PTPRJ: variants seen among roughly 807,000 people sequenced by gnomAD.
PTPRJ encodes the protein protein tyrosine phosphatase receptor type J.
In PTPRJ, 129 loss-of-function variants were observed where a neutral mutation model predicts 141.3. The ratio of observed to expected loss-of-function variants is 0.91; its 90% confidence interval spans 0.79 to 1.06. The LOEUF (loss-of-function observed/expected upper bound fraction) is 1.06. Among genes scored for constraint, PTPRJ ranks in the 50% least tolerant of loss-of-function variants. PTPRJ has a pLI of 0.00. For missense variants in PTPRJ, 1,601 were observed against 1,679.7 expected (o/e 0.95, Z 0.82); for synonymous variants, 610 against 640.5 (o/e 0.95, Z 0.72).
chr11:48,119,899 T>G (rs1160620633), intron 3 of PTPRJ, among the ~76,000 whole-genome samples: 1 of 152,210 alleles, frequency 6.6e-6, no homozygotes, highest in African/African-American at 2.4e-5. Context: ...CTCCTCAGTC[T>G]TCAGCTCAAT....
Position 48,127,797 on chromosome 11 carries a change from G to C in PTPRJ, c.1111G>C (p.Asp371His). 6.2e-7 allele frequency: 1 copy of C among 1,614,100 alleles called. No homozygotes were observed. Among genetic ancestry groups the C allele is most frequent in the Non-Finnish European group, 8.5e-7 (1 of 1,179,980 alleles). The change falls in exon 7 of 25, where the codon GAC becomes CAC. Residue 371 changes from aspartate to histidine, a missense_variant. By Grantham distance (81) the Asp-to-His change is moderately conservative. Transcript: ENST00000418331. Reference sequence around the variant, plus strand: ...TCTCACAGATGCTATTCAGGTTTTTGACGTCACCGCTGTGAACATCAGTGC... The same window carrying C: ...TCTCACAGATGCTATTCAGGTTTTTCACGTCACCGCTGTGAACATCAGTGC... Reference protein sequence around the residue: ...EFRTNAIQVFDVTAVNISATS... With the variant: ...EFRTNAIQVFHVTAVNISATS...
intron 3 of PTPRJ, 96 bp downstream of exon 3, chr11:48,113,079 C>A: frequency 3.8e-6 from 4 of 1,063,564 alleles, no homozygotes; most frequent in Non-Finnish European, 5.4e-6. Flanking sequence ...CTTTTAATTA[C>A]CTAAGAAAAT....
intron 1 of PTPRJ, among the ~76,000 whole-genome samples, chr11:48,024,276 C>A (rs1193673295): frequency 6.6e-6 from 1 of 152,130 alleles, no homozygotes; most frequent in African/African-American, 2.4e-5. Flanking sequence ...TTGCTTATTT[C>A]AACCTCCGCC....
intron 24 of PTPRJ, 89 bp from the exon 25 acceptor site, chr11:48,167,114 CG>C: frequency 1.6e-6 from 2 of 1,258,938 alleles, no homozygotes; most frequent in Non-Finnish European, 2.3e-6. Flanking sequence ...GGGAGTTGGG[CG>C]GGGGAATGAC....
chr11:48,053,272 AAT>A (rs1363066174), intron 1 of PTPRJ, among the ~76,000 whole-genome samples: 12 of 88,066 alleles, frequency 1.4e-4, no homozygotes, highest in Non-Finnish European at 2.4e-4. Flanking sequence ...ATATTATATA[AAT>A]ATATAAATAT....
intron 1 of PTPRJ, among the ~76,000 whole-genome samples, chr11:47,984,984 C>T (rs999803769): frequency 2.0e-5 from 3 of 152,044 alleles, no homozygotes; most frequent in Non-Finnish European, 4.4e-5. Context: ...TCCCAAGTAC[C>T]TGGGATTACA....
intron 8 of PTPRJ, among the ~76,000 whole-genome samples, chr11:48,135,607 G>A (rs1365973102): frequency 6.8e-6 from 1 of 147,540 alleles, no homozygotes; most frequent in African/African-American, 2.5e-5. Context: ...CCAGCCTCCC[G>A]AGTAGCTGGG....
chr11:48,149,462 T>A lies in PTPRJ; in HGVS notation c.3015T>A (p.Asn1005Lys). The change falls in exon 16 of 25, where the codon AAT (asparagine) becomes AAA (lysine). Residue 1005 changes from asparagine (N) to lysine (K), a missense_variant. Asn to Lys is a moderately conservative substitution (Grantham distance 94). Coordinates refer to ENST00000418331, the MANE Select transcript of PTPRJ (RefSeq NM_002843.4). ...FWRKKRKDAKNNEVSFSQIKP... is the reference protein window; with the variant it reads ...FWRKKRKDAKKNEVSFSQIKP... ...CTTAAAACAGGAAAGATGCAAAGAA[T>A]AATGAAGTGTCCTTTTCTCAAATTA... 6.6e-7 allele frequency: 1 copy of A among 1,520,338 alleles called. No individual in the cohort carries two copies. Among genetic ancestry groups the A allele is most frequent in the East Asian group, 2.3e-5 (1 of 43,578 alleles). 94.2% of individuals were successfully genotyped at this position (1,520,338 alleles called of 1,614,324 possible). A position where few individuals can be genotyped will look rare whatever the true frequency, so the allele number is the denominator to read the frequency against.
chr11:48,099,375 C>T (rs888320766), intron 1 of PTPRJ, among the ~76,000 whole-genome samples: 1 of 152,176 alleles, frequency 6.6e-6, no homozygotes, highest in Non-Finnish European at 1.5e-5. Context: ...ATACATTTAA[C>T]GCTTGTAAGT....
In PTPRJ at chr11:48,144,872, CTG is replaced by C; in HGVS notation, c.2774_2775del (p.Leu925ArgfsTer24). On this transcript the variant is annotated frameshift_variant, in exon 13 of 25. Coordinates refer to ENST00000418331, the MANE Select transcript of PTPRJ (RefSeq NM_002843.4). LOFTEE classifies it high-confidence loss of function. ...TTATTACAATGGGAAGCTGGAACCT[CTG>C]GGCTCCTACCGGTAATGTCTTCTGG... is the stretch of plus-strand genomic sequence containing the variant. ...LGYYNGKLEP[L>X]GSYRACVAGF... is the part of the protein sequence containing the mutation. 1 of 1,614,172 alleles carries C rather than the reference CTG, an allele frequency of 6.2e-7. No individual in the cohort carries two copies. The highest frequency in any genetic ancestry group is 1.1e-5 in the South Asian group (1 of 91,078).
chr11:48,136,991 T>C lies in PTPRJ; in HGVS notation c.1874-12T>C. 6.3e-7 allele frequency: 1 copy of C among 1,576,584 alleles called. No individual in the cohort carries two copies. Among genetic ancestry groups the C allele is most frequent in the Non-Finnish European group, 8.7e-7 (1 of 1,150,142 alleles). ...GTGCTTTTACATGAATTGCCTTTTTTTTAAAATCAAGGGCCCAGCAATGTG... is the reference window on the plus strand; with the variant it reads ...GTGCTTTTACATGAATTGCCTTTTTCTTAAAATCAAGGGCCCAGCAATGTG... On this transcript the variant is annotated splice_polypyrimidine_tract_variant and intron_variant, in intron 9 of 24. Coordinates refer to ENST00000418331, the MANE Select transcript of PTPRJ (RefSeq NM_002843.4).
chr11:48,087,368 G>A (rs1855744463), intron 1 of PTPRJ, among the ~76,000 whole-genome samples: 1 of 152,202 alleles, frequency 6.6e-6, no homozygotes, highest in South Asian at 2.1e-4. Context: ...ATAGTTTTTG[G>A]AGGAAAATAT....
chr11:48,146,916 C>T lies in PTPRJ; in HGVS notation c.2952C>T (p.Ala984=), dbSNP rs1221652960. 1.9e-6 allele frequency: 3 copies of T among 1,613,962 alleles called. No homozygotes were observed. In the East Asian group the frequency reaches 6.7e-5, roughly 36 times the overall value. ...CGGTTTTTGGCTGTATCTTTGGTGC[C>T]CTGGTTATTGTGACTGTGGGAGGCT... The part of the protein sequence containing the change: ...CGAVFGCIFG[A]LVIVTVGGFI... Residue 984 remains alanine, a synonymous_variant, in exon 15 of 25, where the codon GCC becomes GCT. Coordinates refer to ENST00000418331, the MANE Select transcript of PTPRJ (RefSeq NM_002843.4).
rs1398357562 is a variant in PTPRJ at position 48,159,279 on chromosome 11, A to C, written c.3439-651A>C. Among the ~76,000 whole-genome samples, 6 of 152,008 alleles carry C rather than the reference A, an allele frequency of 3.9e-5. No homozygotes were observed. The East Asian group carries it at 9.7e-4, about 25-fold the overall frequency. ...AAAGACCCCAGAATGATTTAATTTG[A>C]TTTTCTTTATTGGTGTGTGTATTTG... is the stretch of plus-strand genomic sequence containing the variant. On this transcript the variant is annotated intron_variant, in intron 21 of 24. Transcript: ENST00000418331.
intron 6 of PTPRJ, among the ~76,000 whole-genome samples, chr11:48,126,897 A>AAACC (rs1488341008): frequency 1.3e-5 from 2 of 152,056 alleles, no homozygotes; most frequent in African/African-American, 4.8e-5. Flanking sequence ...AGGGTTAAGG[A>AAACC]AACCATCAGA....
At chr11:48,015,917 A>T (rs1443437787) in intron 1 of PTPRJ, 1 of 151,076 alleles carries the variant, frequency 6.6e-6, no homozygotes, top group East Asian at 1.9e-4. Context: ...AAGATCCCCC[A>T]GCTACTCTGT....
In PTPRJ at chr11:48,166,604, C is replaced by T. The variant is rs571706363; in HGVS notation, c.3856-600C>T. The stretch of plus-strand genomic sequence containing the variant: ...TGCTGGGATTACAGACAGGAGCCAC[C>T]GCGCCTGGCCAGATCCTGTTTTATG... On this transcript the variant is annotated intron_variant, in intron 24 of 24. Transcript: ENST00000418331. Among the ~76,000 whole-genome samples the T allele has an allele frequency of 9.2e-5, 14 of 152,250 alleles. No homozygotes were observed. The Middle Eastern group carries it at 0.017, about 186-fold the overall frequency.
intron 1 of PTPRJ, among the ~76,000 whole-genome samples, chr11:48,088,897 G>T (rs986494163): frequency 3.3e-5 from 5 of 152,094 alleles, no homozygotes; most frequent in African/African-American, 4.8e-5. Context: ...TTAAGGAAAC[G>T]CATGTTGTAT....
In PTPRJ at chr11:48,168,538, A is replaced by G. The variant is rs1462163258; in HGVS notation, c.*1176A>G. 4 of 43,152 alleles carry G rather than the reference A, an allele frequency of 9.3e-5. No homozygotes were observed. Among genetic ancestry groups the G allele is most frequent in the East Asian group, 9.2e-4 (1 of 1,092 alleles). The allele number at this position is 43,152 out of a possible 1,614,324, so 2.7% of individuals were successfully genotyped here. On this transcript the variant is annotated 3_prime_UTR_variant, in exon 25 of 25. Transcript: ENST00000418331. ...ACACATATCGGAATCTACTGTGTAT[A>G]TATATATATATATATATATATATAT...
Sources: gnomAD v4.1 joint callset for allele counts (sites outside exome capture counted in the v4.1 genomes callset) on GRCh38, gnomAD v4.1.1 for gene constraint, MANE v1.5 for transcripts, NCBI Gene and HGNC (gene_info 2026-07-23, HGNC 2026-07-21) for gene names.